Variants in LYPLAL1 observed in about 807,000 individuals in gnomAD.
LYPLAL1 encodes the protein lysophospholipase-like protein 1.
Under a neutral mutation model 19.7 loss-of-function variants are expected in LYPLAL1, and 23 were observed. The ratio of observed to expected loss-of-function variants is 1.17; its 90% CI spans 0.84 to 1.65. The LOEUF is 1.65. Ranked by LOEUF, LYPLAL1 falls within the 40% of genes most tolerant of loss-of-function variation. The pLI, the probability that LYPLAL1 is intolerant of heterozygous loss-of-function variation, is 0.00. For missense variants in LYPLAL1, 355 were observed against 279.4 expected (o/e 1.27, Z -1.93); for synonymous variants, 119 against 96.3 (o/e 1.24, Z -1.38).
At chr1:219,295,890 T>G in the LYPLAL1 span, among the ~76,000 whole-genome samples, 1 of 152,228 alleles carries the variant, frequency 6.6e-6, no homozygotes, top group Non-Finnish European at 1.5e-5. Flanking sequence ...CCCAGCCTTC[T>G]GGCCCCTTCC....
rs570315953 is a variant in LYPLAL1, at chr1:219,212,069, A to G, written c.*341A>G. 6.1e-6 allele frequency: 1 copy of G among 163,824 alleles called. No homozygotes were observed. Among genetic ancestry groups the G allele is most frequent in the Admixed American group, 6.2e-5 (1 of 16,108 alleles). The allele number at this position is 163,824 out of a possible 1,614,324, so 10.1% of individuals were successfully genotyped here. On this transcript the variant is annotated 3_prime_UTR_variant, in exon 5 of 5. Coordinates refer to ENST00000366928, the MANE Select transcript of LYPLAL1 (RefSeq NM_138794.5). ...ATAATGTTATTTTATCTTTTCTACA[A>G]CTTTGTTTAAATTACCTTTCCAAAG...
At chr1:219,249,232 T>TA in the LYPLAL1 span, among the ~76,000 whole-genome samples, 1 of 151,972 alleles carries the variant, frequency 6.6e-6, no homozygotes, top group Non-Finnish European at 1.5e-5. Context: ...TCTTTCCCTT[T>TA]AAAAAAATAA....
chr1:219,263,589 CT>C, the LYPLAL1 span, among the ~76,000 whole-genome samples: 1 of 152,152 alleles, frequency 6.6e-6, no homozygotes, highest in Non-Finnish European at 1.5e-5. Context: ...TGGGAAGCTT[CT>C]TTCACCCTGT....
At chr1:219,298,082 G>T in the LYPLAL1 span, among the ~76,000 whole-genome samples, 1 of 152,122 alleles carries the variant, frequency 6.6e-6, no homozygotes, top group African/African-American at 2.4e-5. Flanking sequence ...GGCTAAGTGG[G>T]GTGGATTCCT....
At chr1:219,184,421 A>G (rs1045297378) in intron 2 of LYPLAL1, among the ~76,000 whole-genome samples, 1 of 151,892 alleles carries the variant, frequency 6.6e-6, no homozygotes, top group African/African-American at 2.4e-5. Context: ...TACTTAGTAT[A>G]TTCCTTATGA....
At chr1:219,334,907 A>T in the LYPLAL1 span, among the ~76,000 whole-genome samples, 1 of 151,982 alleles carries the variant, frequency 6.6e-6, no homozygotes, top group Non-Finnish European at 1.5e-5. Flanking sequence ...CTAATAAATG[A>T]AAAGGAGAAT....
the LYPLAL1 span, among the ~76,000 whole-genome samples, chr1:219,399,126 G>T: frequency 2.0e-5 from 3 of 152,178 alleles, no homozygotes; most frequent in Non-Finnish European, 2.9e-5. Context: ...CTCCATGTGG[G>T]TGTTCACCAC....
At chr1:219,423,420 A>T in the LYPLAL1 span, among the ~76,000 whole-genome samples, 3 of 152,146 alleles carry the variant, frequency 2.0e-5, no homozygotes, top group Admixed American at 2.0e-4. Flanking sequence ...TCGTTTTGCT[A>T]TGGTGATTCA....
At chr1:219,312,191 G>A in the LYPLAL1 span, among the ~76,000 whole-genome samples, 2 of 152,114 alleles carry the variant, frequency 1.3e-5, no homozygotes, top group African/African-American at 4.8e-5. Flanking sequence ...AGGAAGGAGG[G>A]CACTGGACTT....
chr1:219,188,293 G>A (rs573118998), intron 2 of LYPLAL1, among the ~76,000 whole-genome samples: 12 of 151,926 alleles, frequency 7.9e-5, no homozygotes, highest in Admixed American at 4.6e-4. Context: ...TGGGGATAGA[G>A]AGTATATGTG....
At chr1:219,311,184 C>T in the LYPLAL1 span, among the ~76,000 whole-genome samples, 2 of 149,732 alleles carry the variant, frequency 1.3e-5, no homozygotes, top group Non-Finnish European at 3.0e-5. Context: ...GGAGTTTGTG[C>T]TTAACCACAA....
the LYPLAL1 span, among the ~76,000 whole-genome samples, chr1:219,228,782 A>C: frequency 6.6e-6 from 1 of 151,952 alleles, no homozygotes; most frequent in South Asian, 2.1e-4. Flanking sequence ...CAGGTTCCAG[A>C]GATTCTCCTG....
At chr1:219,325,392 A>G in the LYPLAL1 span, among the ~76,000 whole-genome samples, 1 of 152,352 alleles carries the variant, frequency 6.6e-6, no homozygotes, top group East Asian at 1.9e-4. Context: ...GACATTGTCT[A>G]AACCACCCCT....
the LYPLAL1 span, among the ~76,000 whole-genome samples, chr1:219,417,091 T>C: frequency 0.03 from 4,583 of 152,216 alleles, 245 homozygotes; most frequent in African/African-American, 0.1. Context: ...ACTCTTTTTT[T>C]CCCCCTTTCC....
At chr1:219,439,640 T>C in the LYPLAL1 span, among the ~76,000 whole-genome samples, 4 of 152,076 alleles carry the variant, frequency 2.6e-5, no homozygotes. Context: ...CCACACTAAA[T>C]AGTGGCTATT....
chr1:219,306,845 T>TAGAA, the LYPLAL1 span, among the ~76,000 whole-genome samples: 1 of 83,140 alleles, frequency 1.2e-5, no homozygotes, highest in Admixed American at 1.4e-4. Context: ...GATAGATAGA[T>TAGAA]AGATAGACAG....
the LYPLAL1 span, among the ~76,000 whole-genome samples, chr1:219,314,601 C>T: frequency 2.5e-4 from 38 of 152,222 alleles, no homozygotes; most frequent in South Asian, 4.6e-3. Context: ...ACCACCACCG[C>T]GCCCAGCTAA....
chr1:219,342,792 A>G, the LYPLAL1 span, among the ~76,000 whole-genome samples: 207 of 152,330 alleles, frequency 1.4e-3, no homozygotes, highest in Middle Eastern at 6.8e-3. Context: ...GAGTTGACTC[A>G]TTGTTTTTCT....
At chr1:219,331,242 G>C in the LYPLAL1 span, among the ~76,000 whole-genome samples, 2 of 152,146 alleles carry the variant, frequency 1.3e-5, no homozygotes, top group Admixed American at 1.3e-4. Context: ...ATTGCTTGAA[G>C]TCACAGAAAA....
Sources: allele counts gnomAD v4.1 joint callset (sites outside exome capture counted in the v4.1 genomes callset), GRCh38; gene constraint gnomAD v4.1.1; transcripts MANE v1.5; gene names NCBI Gene and HGNC (gene_info 2026-07-23, HGNC 2026-07-21).